The following C1GALT1 variants were observed in gnomAD, a reference collection of about 807,000 sequenced individuals.
C1GALT1 encodes glycoprotein-N-acetylgalactosamine 3-beta-galactosyltransferase 1.
Under a neutral mutation model 31.0 loss-of-function variants are expected in C1GALT1, and 11 were observed. That is an observed-to-expected ratio of 0.36 (90% CI 0.22 to 0.59). The LOEUF (loss-of-function observed/expected upper bound fraction) is 0.59, where lower values mean the gene tolerates loss of function less well. C1GALT1 is among the 20% of genes least tolerant of loss of function. The pLI, the probability that C1GALT1 is intolerant of heterozygous loss-of-function variation, is 0.79. For synonymous variants in C1GALT1, 175 were observed against 143.6 expected (o/e 1.22, Z -1.56); for missense variants, 424 against 425.2 (o/e 1.00, Z 0.03).
intron 2 of C1GALT1, among the ~76,000 whole-genome samples, chr7:7,170,938 T>A (rs1780446735): frequency 1.3e-5 from 2 of 152,236 alleles, no homozygotes; most frequent in African/African-American, 4.8e-5. Flanking sequence ...CTCCTTTGAT[T>A]TTGATTTGTA....
chr7:7,202,178 CAG>C (rs1361971106), intron 1 of C1GALT1, among the ~76,000 whole-genome samples: 1 of 152,216 alleles, frequency 6.6e-6, no homozygotes, highest in African/African-American at 2.4e-5. Flanking sequence ...ATTGGGCACT[CAG>C]AGTTTTTTGG....
At chr7:7,197,912 T>C (rs1277754089) in intron 1 of C1GALT1, among the ~76,000 whole-genome samples, 1 of 152,256 alleles carries the variant, frequency 6.6e-6, no homozygotes, top group Non-Finnish European at 1.5e-5. Flanking sequence ...TTGCTGAAGT[T>C]GCTTATCAGC....
At position 7,246,120 on chromosome 7, in the gene C1GALT1, A is replaced by G. The variant is rs1583847411; in HGVS notation, c.*2393A>G. On this transcript the variant is annotated 3_prime_UTR_variant, in exon 4 of 4. Transcript: ENST00000436587. ...AATAGCTAGTATTTATCCAATGCCAACTGTATGCTAGGTACTGTGCTTAGA... is the reference window on the plus strand; with the variant it reads ...AATAGCTAGTATTTATCCAATGCCAGCTGTATGCTAGGTACTGTGCTTAGA... The G allele has an allele frequency of 1.3e-5, 2 of 152,314 alleles. No homozygotes were observed. The highest frequency in any genetic ancestry group is 1.3e-4 in the Admixed American group (2 of 15,296). 9.4% of individuals were successfully genotyped at this position (152,314 alleles called of 1,614,324 possible).
chr7:7,214,790 G>A (rs553874542), intron 1 of C1GALT1, among the ~76,000 whole-genome samples: 6 of 152,144 alleles, frequency 3.9e-5, no homozygotes, highest in Non-Finnish European at 7.3e-5. Context: ...TTCTCCAGTC[G>A]AAAACAAAGA....
At chr7:7,185,416 A>G (rs1780770105) in intron 1 of C1GALT1, among the ~76,000 whole-genome samples, 1 of 152,190 alleles carries the variant, frequency 6.6e-6, no homozygotes. Context: ...AAACTGGGTG[A>G]TTTAAAACAA....
At chr7:7,237,757 A>T (rs1365408932) in intron 2 of C1GALT1, among the ~76,000 whole-genome samples, 1 of 152,178 alleles carries the variant, frequency 6.6e-6, no homozygotes, top group Non-Finnish European at 1.5e-5. Flanking sequence ...CTTCAGCAGC[A>T]TGTCTTTCCT....
chr7:7,180,971 A>G (rs1214624151), upstream of C1GALT1, among the ~76,000 whole-genome samples: 1 of 151,940 alleles, frequency 6.6e-6, no homozygotes, highest in Non-Finnish European at 1.5e-5. Flanking sequence ...GATTTGGTCC[A>G]GTATTGTTTC....
chr7:7,238,643 G>GC lies in C1GALT1; in HGVS notation c.610dup (p.Gln204ProfsTer22). 6.2e-7 allele frequency: 1 copy of GC among 1,614,084 alleles called. No homozygotes were observed. The highest frequency in any genetic ancestry group is 8.5e-7 in the Non-Finnish European group (1 of 1,179,966). Reference sequence around the variant, plus strand: ...GGAGAAGATTTAAGCCTTATGTAAAGCAGGGCTACATGAGTGGAGGAGCAG... The same window carrying GC: ...GGAGAAGATTTAAGCCTTATGTAAAGCCAGGGCTACATGAGTGGAGGAGCAG... On this transcript the variant is annotated frameshift_variant, in exon 3 of 4. Transcript: ENST00000436587. LOFTEE classifies it high-confidence loss of function. The surrounding 1 kb of genome is among the most constrained non-coding windows in gnomAD (Gnocchi z 5.2).
Position 7,243,645 on chromosome 7 carries a change from CT to C in C1GALT1, c.1011del (p.Thr338ProfsTer7). 1 of 1,611,592 alleles carries C rather than the reference CT, an allele frequency of 6.2e-7. No homozygotes were observed. Among genetic ancestry groups the C allele is most frequent in the Middle Eastern group, 1.7e-4 (1 of 5,782 alleles). On this transcript the variant is annotated frameshift_variant, in exon 4 of 4. Transcript: ENST00000436587. LOFTEE classifies it high-confidence loss of function. ...RPYGYLYRYQ[P>X]TLPERILKEI... ...TATGGTTATTTATACAGATATCAAC[CT>C]ACCTTACCTGAACGTATACTAAAGG...
At chr7:7,230,360 G>C (rs960920909) in intron 1 of C1GALT1, among the ~76,000 whole-genome samples, 5 of 151,708 alleles carry the variant, frequency 3.3e-5, no homozygotes, top group Non-Finnish European at 5.9e-5. Flanking sequence ...TTTTTTTTGT[G>C]GTATCAATAA....
At chr7:7,242,320 T>C (rs1470200216) in intron 3 of C1GALT1, among the ~76,000 whole-genome samples, 1 of 151,850 alleles carries the variant, frequency 6.6e-6, no homozygotes, top group Non-Finnish European at 1.5e-5. Context: ...TTATTTTTCC[T>C]ATTTGCTTTT....
intron 2 of C1GALT1, among the ~76,000 whole-genome samples, chr7:7,158,999 G>A (rs1026654951): frequency 2.0e-5 from 3 of 152,152 alleles, no homozygotes; most frequent in Non-Finnish European, 4.4e-5. Context: ...AAGGGGTTCA[G>A]GGAGTTTTTG....
At chr7:7,212,379 T>C (rs563657181) in intron 1 of C1GALT1, among the ~76,000 whole-genome samples, 2 of 152,340 alleles carry the variant, frequency 1.3e-5, no homozygotes, top group South Asian at 4.1e-4. Flanking sequence ...AAAGCCTTGG[T>C]ATAATAACCA....
intron 1 of C1GALT1, among the ~76,000 whole-genome samples, chr7:7,227,218 C>G (rs1040760387): frequency 2.0e-5 from 3 of 152,088 alleles, no homozygotes; most frequent in Admixed American, 6.5e-5. Flanking sequence ...ATATAATTCC[C>G]ATTCTGTAAA....
intron 2 of C1GALT1, among the ~76,000 whole-genome samples, chr7:7,163,378 T>G (rs111437907): frequency 0.048 from 7,325 of 152,246 alleles, 228 homozygotes; most frequent in Non-Finnish European, 0.075. Context: ...GGGCAAAAAC[T>G]GGAAGCATTC....
chr7:7,181,022 T>C (rs950302553), upstream of C1GALT1, among the ~76,000 whole-genome samples: 5 of 152,226 alleles, frequency 3.3e-5, no homozygotes, highest in African/African-American at 1.2e-4. Context: ...GCTGACCTTA[T>C]TTTAGGAAAG....
chr7:7,224,982 TA>T (rs1255289647), intron 1 of C1GALT1, among the ~76,000 whole-genome samples: 1 of 152,120 alleles, frequency 6.6e-6, no homozygotes, highest in African/African-American at 2.4e-5. Context: ...CAGTCTTAGG[TA>T]GTTTCTGGTG....
At chr7:7,209,178 T>G (rs1781882937) in intron 1 of C1GALT1, among the ~76,000 whole-genome samples, 1 of 152,240 alleles carries the variant, frequency 6.6e-6, no homozygotes, top group Non-Finnish European at 1.5e-5. Flanking sequence ...ATTTATAGTT[T>G]TGTTATTCTT....
intron 1 of C1GALT1, among the ~76,000 whole-genome samples, chr7:7,233,031 T>C (rs1197317728): frequency 2.6e-5 from 4 of 152,196 alleles, no homozygotes; most frequent in Non-Finnish European, 5.9e-5. Context: ...TTTTTAATTA[T>C]CTTGAGGAAT....
Sources: allele counts gnomAD v4.1 joint callset (sites outside exome capture counted in the v4.1 genomes callset), GRCh38; gene constraint gnomAD v4.1.1; non-coding constraint Gnocchi (gnomAD v3.1); transcripts MANE v1.5; gene names NCBI Gene and HGNC (gene_info 2026-07-23, HGNC 2026-07-21).